Variants in MYOCOS observed in about 807,000 individuals in gnomAD.
The protein encoded by MYOCOS is myocilin opposite strand protein.
intron 2 of MYOCOS, among the ~76,000 whole-genome samples, chr1:171,626,002 G>T (rs1030373985): frequency 6.6e-6 from 1 of 152,156 alleles, no homozygotes; most frequent in South Asian, 2.1e-4. Context: ...GGTGAGTATG[G>T]GTGGAGGAGC....
At chr1:171,623,717 G>C (rs1013964898) in intron 1 of MYOCOS, 124 bp from the exon 2 acceptor site, 4 of 395,916 alleles carry the variant, frequency 1.0e-5, no homozygotes, top group Non-Finnish European at 1.8e-5. Flanking sequence ...AGGCCAGGCT[G>C]TAGGGAGGAC....
chr1:171,619,079 A>G (rs746973362), upstream of MYOCOS, among the ~76,000 whole-genome samples: 1 of 152,188 alleles, frequency 6.6e-6, no homozygotes, highest in Non-Finnish European at 1.5e-5. Flanking sequence ...TATTGCTTCT[A>G]AAGTATGCAT....
intron 1 of MYOCOS, among the ~76,000 whole-genome samples, chr1:171,605,394 C>CACAAA (rs376886204): frequency 1.7e-4 from 22 of 127,560 alleles, no homozygotes; most frequent in Admixed American, 9.0e-4. Flanking sequence ...CACACACACA[C>CACAAA]AAAAAAAAAA....
chr1:171,616,943 C>G (rs552896344), intron 2 of MYOCOS, among the ~76,000 whole-genome samples: 55 of 152,280 alleles, frequency 3.6e-4, no homozygotes, highest in Middle Eastern at 3.4e-3. Context: ...TATAATTGCC[C>G]TGCTGACACT....
At chr1:171,620,068 C>CAT (rs139274519), upstream of MYOCOS, among the ~76,000 whole-genome samples, 1,791 of 142,454 alleles carry the variant, frequency 0.013, 24 homozygotes, top group East Asian at 0.052. Flanking sequence ...CTCCCCTTTA[C>CAT]ATATATATAT....
chr1:171,603,548 T>G lies in MYOCOS; in HGVS notation c.-252+2468T>G, dbSNP rs188592527. Among the ~76,000 whole-genome samples, 29 of 152,370 alleles carry G rather than the reference T, an allele frequency of 1.9e-4. No individual in the cohort carries two copies. The East Asian group carries it at 5.2e-3, about 27-fold the overall frequency. ...AGTTACAGGATTTAAGTCAATATTTTAGTAGATGACAGTCAATAAAAATGT... is the reference window on the plus strand; with the variant it reads ...AGTTACAGGATTTAAGTCAATATTTGAGTAGATGACAGTCAATAAAAATGT... On this transcript the variant is annotated intron_variant, in intron 1 of 3. Coordinates refer to the MYOCOS transcript ENST00000636697.
At chr1:171,613,749 T>A (rs1652397454) in intron 1 of MYOCOS, among the ~76,000 whole-genome samples, 1 of 152,176 alleles carries the variant, frequency 6.6e-6, no homozygotes, top group Non-Finnish European at 1.5e-5. Flanking sequence ...GGTCTCACTA[T>A]GTTGCCCCGG....
At chr1:171,600,909 G>T (rs1652129674) in exon 1 of MYOCOS, 1 of 152,220 alleles carries the variant, frequency 6.6e-6, no homozygotes, top group Non-Finnish European at 1.5e-5. Context: ...TTTGTCTCCG[G>T]CTGGTCATGC....
At chr1:171,623,734 A>G in intron 1 of MYOCOS, 107 bp from the exon 2 acceptor site, 1 of 396,458 alleles carries the variant, frequency 2.5e-6, no homozygotes, top group East Asian at 3.6e-5. Context: ...GGACCAACTG[A>G]GAGTAAGGCA....
chr1:171,603,800 A>G (rs1652189596), intron 1 of MYOCOS, among the ~76,000 whole-genome samples: 1 of 152,266 alleles, frequency 6.6e-6, no homozygotes, highest in Admixed American at 6.5e-5. Flanking sequence ...GCGTTTCCAA[A>G]GGCTGGCCCC....
chr1:171,621,796 A>C (rs1274706994), upstream of MYOCOS, among the ~76,000 whole-genome samples: 1 of 152,082 alleles, frequency 6.6e-6, no homozygotes, highest in Non-Finnish European at 1.5e-5. Flanking sequence ...TGATCTCACC[A>C]CTGCACTTCA....
intron 1 of MYOCOS, among the ~76,000 whole-genome samples, chr1:171,622,778 G>A (rs1287506305): frequency 2.0e-5 from 3 of 152,154 alleles, no homozygotes; most frequent in African/African-American, 7.2e-5. Context: ...CTCTGTAATG[G>A]AGATAATATA....
intron 1 of MYOCOS, chr1:171,604,076 A>G (rs944722550): frequency 6.6e-6 from 1 of 152,180 alleles, no homozygotes; most frequent in Non-Finnish European, 1.5e-5. Flanking sequence ...TAAACTGAGT[A>G]GAGGTGTTAG....
intron 1 of MYOCOS, among the ~76,000 whole-genome samples, chr1:171,609,357 A>G (rs1347970109): frequency 6.6e-6 from 1 of 152,182 alleles, no homozygotes; most frequent in African/African-American, 2.4e-5. Flanking sequence ...TCTTTCCTTA[A>G]CTACTGGTCT....
chr1:171,622,068 C>A (rs1264485831), upstream of MYOCOS: 1 of 152,116 alleles, frequency 6.6e-6, no homozygotes, highest in East Asian at 1.9e-4. Context: ...AGAGCTGAAA[C>A]ACCTGCCAGC....
chr1:171,616,633 G>A (rs1470016920), intron 2 of MYOCOS, among the ~76,000 whole-genome samples: 2 of 152,164 alleles, frequency 1.3e-5, no homozygotes, highest in African/African-American at 4.8e-5. Flanking sequence ...GTTCAGTCTT[G>A]GACATGTCGA....
chr1:171,616,342 C>A (rs1187662773), intron 2 of MYOCOS, among the ~76,000 whole-genome samples: 1 of 152,172 alleles, frequency 6.6e-6, no homozygotes, highest in African/African-American at 2.4e-5. Flanking sequence ...GAGTTTGAGA[C>A]CAGCCTGGCC....
At chr1:171,624,262 G>T (rs1652644833) in intron 2 of MYOCOS, among the ~76,000 whole-genome samples, 2 of 151,850 alleles carry the variant, frequency 1.3e-5, no homozygotes, top group South Asian at 4.2e-4. Flanking sequence ...CACTTTGTTT[G>T]GTTTGGTTTT....
chr1:171,623,178 CAG>C (rs1344181362), intron 1 of MYOCOS, among the ~76,000 whole-genome samples: 10 of 151,978 alleles, frequency 6.6e-5, no homozygotes, highest in Non-Finnish European at 1.0e-4. Flanking sequence ...GCCTTGGTGA[CAG>C]AGCCAGACCC....
Sources: gnomAD v4.1 joint callset for allele counts (sites outside exome capture counted in the v4.1 genomes callset) on GRCh38, gnomAD v4.1.1 for gene constraint, MANE v1.5 for transcripts, NCBI Gene and HGNC (gene_info 2026-07-23, HGNC 2026-07-21) for gene names.